The following ARK2C variants were observed in gnomAD, a reference collection of about 807,000 sequenced individuals.
ARK2C encodes E3 ubiquitin-protein ligase ARK2C.
the ARK2C span, among the ~76,000 whole-genome samples, chr18:46,424,732 C>T: frequency 6.6e-6 from 1 of 152,182 alleles, no homozygotes; most frequent in Non-Finnish European, 1.5e-5. Flanking sequence ...GTCACAAGTC[C>T]AGGAAACTAG....
At chr18:46,384,514 C>A in the ARK2C span, among the ~76,000 whole-genome samples, 1 of 152,164 alleles carries the variant, frequency 6.6e-6, no homozygotes, top group East Asian at 1.9e-4. Context: ...TTGAATATTT[C>A]TCATGGATAC....
At chr18:46,409,684 G>T in the ARK2C span, among the ~76,000 whole-genome samples, 4 of 152,152 alleles carry the variant, frequency 2.6e-5, no homozygotes, top group East Asian at 7.7e-4. Flanking sequence ...ATGGCTTTCT[G>T]CCACTCAGTC....
chr18:46,381,588 TG>T, the ARK2C span, among the ~76,000 whole-genome samples: 82 of 152,216 alleles, frequency 5.4e-4, no homozygotes, highest in African/African-American at 1.9e-3. Context: ...GCCAACAGTT[TG>T]GGAGGCTGAG....
the ARK2C span, among the ~76,000 whole-genome samples, chr18:46,439,541 A>G: frequency 6.6e-6 from 1 of 152,106 alleles, no homozygotes; most frequent in Non-Finnish European, 1.5e-5. Context: ...GACCACTTCA[A>G]TGTACACAGC....
the ARK2C span, among the ~76,000 whole-genome samples, chr18:46,383,550 G>GTTTT: frequency 1.0e-3 from 100 of 97,882 alleles, no homozygotes; most frequent in African/African-American, 2.7e-3. Context: ...GGTTTTCTCT[G>GTTTT]TTTTTTTTTT....
chr18:46,444,219 A>G, the ARK2C span, among the ~76,000 whole-genome samples: 178 of 152,180 alleles, frequency 1.2e-3, 1 homozygote, highest in African/African-American at 4.0e-3. Flanking sequence ...TTAGATTATT[A>G]TGTCCCTTGG....
the ARK2C span, chr18:46,337,315 A>G: frequency 9.1e-6 from 9 of 985,278 alleles, no homozygotes; most frequent in Non-Finnish European, 1.1e-5. Context: ...TCCTGTTCTT[A>G]TTTTGTGGGT....
the ARK2C span, among the ~76,000 whole-genome samples, chr18:46,454,252 A>AAAATAGTAG: frequency 2.0e-5 from 3 of 152,146 alleles, no homozygotes; most frequent in Admixed American, 2.0e-4. Flanking sequence ...TGATGGCAAA[A>AAAATAGTAG]AAATAGTAGA....
the ARK2C span, among the ~76,000 whole-genome samples, chr18:46,423,145 T>C: frequency 6.6e-6 from 1 of 152,212 alleles, no homozygotes; most frequent in African/African-American, 2.4e-5. Context: ...ATGCAAGCCC[T>C]AAAGCCTTTC....
chr18:46,447,244 G>T, the ARK2C span, among the ~76,000 whole-genome samples: 1 of 152,080 alleles, frequency 6.6e-6, no homozygotes, highest in Non-Finnish European at 1.5e-5. Flanking sequence ...CCTCTGGCTT[G>T]CTCGATTTAG....
the ARK2C span, among the ~76,000 whole-genome samples, chr18:46,421,410 G>A: frequency 6.6e-6 from 1 of 152,072 alleles, no homozygotes; most frequent in Non-Finnish European, 1.5e-5. Context: ...AGTTCTTACT[G>A]TGTATTAGGA....
the ARK2C span, chr18:46,450,383 G>T: frequency 3.7e-6 from 6 of 1,611,624 alleles, no homozygotes; most frequent in African/African-American, 1.3e-5. Context: ...CACCTCCGCC[G>T]TACGGGAGAG....
the ARK2C span, among the ~76,000 whole-genome samples, chr18:46,422,151 C>T: frequency 6.6e-6 from 1 of 152,182 alleles, no homozygotes; most frequent in African/African-American, 2.4e-5. Flanking sequence ...GGGCAGATGG[C>T]CCACTTTCGT....
the ARK2C span, among the ~76,000 whole-genome samples, chr18:46,412,288 G>T: frequency 6.6e-6 from 1 of 152,256 alleles, no homozygotes; most frequent in Non-Finnish European, 1.5e-5. Context: ...GGGCTGGTTT[G>T]GGCTGGTTGC....
the ARK2C span, among the ~76,000 whole-genome samples, chr18:46,348,300 G>A: frequency 6.6e-6 from 1 of 152,184 alleles, no homozygotes; most frequent in Non-Finnish European, 1.5e-5. Context: ...GGGACAGGGA[G>A]CTGGGGGACT....
the ARK2C span, among the ~76,000 whole-genome samples, chr18:46,449,729 G>C: frequency 6.6e-6 from 1 of 152,186 alleles, no homozygotes; most frequent in Non-Finnish European, 1.5e-5. Context: ...CCTGTGAAGA[G>C]GTGCTTTCCA....
chr18:46,371,824 C>G, the ARK2C span, among the ~76,000 whole-genome samples: 1,306 of 152,354 alleles, frequency 8.6e-3, 11 homozygotes, highest in South Asian at 0.028. Flanking sequence ...TGGAATTTAC[C>G]TGTGTCCAAG....
the ARK2C span, chr18:46,457,379 C>G: frequency 6.6e-6 from 1 of 152,460 alleles, no homozygotes; most frequent in South Asian, 2.1e-4. Context: ...CTCATGTTTA[C>G]AGTGCACGGA....
chr18:46,453,011 G>A, the ARK2C span, among the ~76,000 whole-genome samples: 1 of 152,148 alleles, frequency 6.6e-6, no homozygotes, highest in Non-Finnish European at 1.5e-5. Flanking sequence ...CACAGTGCCT[G>A]GTATCTACTA....
Sources: gnomAD v4.1 joint callset for allele counts (sites outside exome capture counted in the v4.1 genomes callset) on GRCh38, gnomAD v4.1.1 for gene constraint, MANE v1.5 for transcripts, NCBI Gene and HGNC (gene_info 2026-07-23, HGNC 2026-07-21) for gene names.